LRFN5: variants seen among roughly 807,000 people sequenced by gnomAD.
LRFN5 encodes the protein leucine rich repeat and fibronectin type III domain containing 5, also known as leucine-rich repeat and fibronectin type-III domain-containing protein 5.
Under a neutral mutation model 45.6 loss-of-function variants are expected in LRFN5, and 24 were observed. The ratio of observed to expected loss-of-function variants is 0.53; its 90% CI spans 0.38 to 0.74. The LOEUF is 0.74. Ranked by LOEUF, LRFN5 falls within the 30% of genes least tolerant of loss-of-function variation. LRFN5 has a pLI of 0.00. For synonymous variants in LRFN5, 340 were observed against 313.8 expected (o/e 1.08, Z -0.88); for missense variants, 776 against 861.5 (o/e 0.90, Z 1.24).
chr14:41,646,049 A>G (rs1879802202), intron 1 of LRFN5, among the ~76,000 whole-genome samples: 1 of 152,158 alleles, frequency 6.6e-6, no homozygotes, highest in Admixed American at 6.6e-5. Flanking sequence ...TTCAATATAT[A>G]TCATGTATAG....
At chr14:41,824,230 A>G (rs972931320) in intron 2 of LRFN5, among the ~76,000 whole-genome samples, 6 of 152,180 alleles carry the variant, frequency 3.9e-5, no homozygotes, top group Non-Finnish European at 8.8e-5. Context: ...GAGGTGTTGT[A>G]ACATCTTGTT....
intron 2 of LRFN5, among the ~76,000 whole-genome samples, chr14:41,806,499 A>G (rs1380347675): frequency 6.6e-6 from 1 of 152,118 alleles, no homozygotes; most frequent in Non-Finnish European, 1.5e-5. Flanking sequence ...AGCACTTAAG[A>G]TAGATCTTGA....
chr14:41,650,292 C>T (rs567679867), intron 1 of LRFN5, among the ~76,000 whole-genome samples: 13 of 115,372 alleles, frequency 1.1e-4, no homozygotes, highest in African/African-American at 3.7e-4. Context: ...ACTTGCAACA[C>T]AGATGAGAGA....
intron 1 of LRFN5, among the ~76,000 whole-genome samples, chr14:41,635,574 G>A (rs924564387): frequency 3.3e-5 from 5 of 152,092 alleles, no homozygotes; most frequent in Non-Finnish European, 7.4e-5. Flanking sequence ...AAGAAAGAAA[G>A]ATAAGATCAA....
chr14:41,623,388 T>C (rs577350222), intron 1 of LRFN5, among the ~76,000 whole-genome samples: 2 of 152,220 alleles, frequency 1.3e-5, no homozygotes, highest in East Asian at 1.9e-4. Context: ...GTAAGTCAAC[T>C]AAACCTCTTT....
intron 2 of LRFN5, among the ~76,000 whole-genome samples, chr14:41,795,765 A>G (rs1481296612): frequency 1.4e-5 from 2 of 147,742 alleles, no homozygotes; most frequent in Non-Finnish European, 3.0e-5. Flanking sequence ...ATCACACACC[A>G]GGGCCTGTCG....
At chr14:41,818,179 T>C (rs916902278) in intron 2 of LRFN5, among the ~76,000 whole-genome samples, 1 of 152,104 alleles carries the variant, frequency 6.6e-6, no homozygotes, top group Non-Finnish European at 1.5e-5. Flanking sequence ...CCTTTTTTAT[T>C]CTTCCCTTCC....
chr14:41,791,594 A>G (rs999617423), intron 2 of LRFN5, among the ~76,000 whole-genome samples: 2 of 152,100 alleles, frequency 1.3e-5, no homozygotes, highest in African/African-American at 4.8e-5. Context: ...AAGACTGAAT[A>G]GTACTTAGGT....
At chr14:41,783,665 A>G (rs1886615817) in intron 2 of LRFN5, among the ~76,000 whole-genome samples, 2 of 152,068 alleles carry the variant, frequency 1.3e-5, no homozygotes, top group South Asian at 4.1e-4. Flanking sequence ...TTTGTAGTAC[A>G]GTACCTCTTT....
At chr14:41,768,168 G>A (rs1566661094) in intron 2 of LRFN5, among the ~76,000 whole-genome samples, 1 of 152,052 alleles carries the variant, frequency 6.6e-6, no homozygotes, top group East Asian at 1.9e-4. Flanking sequence ...CAATAGAAAT[G>A]CATATGTTAT....
chr14:41,784,921 G>T, intron 2 of LRFN5, among the ~76,000 whole-genome samples: 1 of 152,086 alleles, frequency 6.6e-6, no homozygotes, highest in East Asian at 1.9e-4. Context: ...GAGCCACCTT[G>T]CCTGGCCCTG....
chr14:41,643,203 G>C (rs534789841), intron 1 of LRFN5, among the ~76,000 whole-genome samples: 1 of 152,014 alleles, frequency 6.6e-6, no homozygotes, highest in East Asian at 1.9e-4. Flanking sequence ...AATAAATCAA[G>C]AGAAAAAGGT....
At chr14:41,692,482 G>A (rs560516553) in intron 1 of LRFN5, among the ~76,000 whole-genome samples, 1 of 152,072 alleles carries the variant, frequency 6.6e-6, no homozygotes, top group South Asian at 2.1e-4. Context: ...TGTTACATGT[G>A]TATACATGTG....
chr14:41,678,614 A>T (rs1881745830), intron 1 of LRFN5, among the ~76,000 whole-genome samples: 1 of 152,202 alleles, frequency 6.6e-6, no homozygotes, highest in African/African-American at 2.4e-5. Flanking sequence ...CATATTAACA[A>T]TTCCCAGTAT....
intron 1 of LRFN5, among the ~76,000 whole-genome samples, chr14:41,623,852 A>AT (rs1044446478): frequency 6.6e-6 from 1 of 152,014 alleles, no homozygotes; most frequent in African/African-American, 2.4e-5. Context: ...TTTCATAGTC[A>AT]TTTTTTGGTC....
At chr14:41,704,414 C>T (rs1057035574) in intron 1 of LRFN5, among the ~76,000 whole-genome samples, 2 of 98,812 alleles carry the variant, frequency 2.0e-5, no homozygotes, top group Admixed American at 1.1e-4. Flanking sequence ...ACTTTTCTCT[C>T]TCTCTCTCTC....
At chr14:41,736,074 A>G (rs1046532099) in intron 1 of LRFN5, among the ~76,000 whole-genome samples, 2 of 152,158 alleles carry the variant, frequency 1.3e-5, no homozygotes, top group African/African-American at 4.8e-5. Context: ...ATATGTGTGC[A>G]TGTGTCTTTA....
intron 1 of LRFN5, among the ~76,000 whole-genome samples, chr14:41,741,813 A>G (rs893708617): frequency 3.4e-5 from 5 of 147,314 alleles, no homozygotes; most frequent in Non-Finnish European, 6.0e-5. Context: ...AGGGGCTAAA[A>G]TAAAAAAAAA....
chr14:41,703,767 T>A (rs1472993814), intron 1 of LRFN5, among the ~76,000 whole-genome samples: 1 of 152,176 alleles, frequency 6.6e-6, no homozygotes, highest in East Asian at 1.9e-4. Flanking sequence ...GATGATAGTG[T>A]CAGGTGGTAC....
Sources: gnomAD v4.1 joint callset for allele counts (sites outside exome capture counted in the v4.1 genomes callset) on GRCh38, gnomAD v4.1.1 for gene constraint, MANE v1.5 for transcripts, NCBI Gene and HGNC (gene_info 2026-07-23, HGNC 2026-07-21) for gene names.